Variants in GTF2H5 observed in about 807,000 individuals in gnomAD.
GTF2H5 encodes the protein TFB5 ortholog.
A neutral mutation model predicts 7.1 loss-of-function variants in GTF2H5; 5 were observed. The observed-to-expected ratio is 0.71, with a 90% confidence interval of 0.37 to 1.49. The LOEUF is 1.49. GTF2H5 is among the 40% of genes most tolerant of loss of function. The probability of loss-of-function intolerance (pLI) is 0.03; values close to 1 mark genes in which losing one functional copy is unlikely to be tolerated. For missense variants in GTF2H5, 80 were observed against 83.0 expected (o/e 0.96, Z 0.14); for synonymous variants, 30 against 31.7 (o/e 0.95, Z 0.18).
At chr6:158,177,185 T>TA (rs373430357) in intron 2 of GTF2H5, among the ~76,000 whole-genome samples, 341 of 152,370 alleles carry the variant, frequency 2.2e-3, no homozygotes, top group African/African-American at 7.7e-3. Flanking sequence ...CCTCTCTGCC[T>TA]ATATCCTCTC....
chr6:158,169,537 A>G lies in GTF2H5; in HGVS notation c.-34-933A>G, dbSNP rs1285647160. On this transcript the variant is annotated intron_variant, in intron 1 of 2. Transcript: ENST00000607778. ...TATTATATATAATATACAGTATATT[A>G]TATATAATATACTGTATATTATATA... is the stretch of plus-strand genomic sequence containing the variant. Among the ~76,000 whole-genome samples, 2 of 88,710 alleles carry G rather than the reference A, an allele frequency of 2.3e-5. 1 individual carries two copies. Among genetic ancestry groups the G allele is most frequent in the African/African-American group, 9.2e-5 (2 of 21,802 alleles). The allele number at this position is 88,710 out of a possible 152,430, so 58.2% of individuals were successfully genotyped here.
At chr6:158,187,236 T>C (rs1776944078) in intron 2 of GTF2H5, among the ~76,000 whole-genome samples, 1 of 152,018 alleles carries the variant, frequency 6.6e-6, no homozygotes, top group African/African-American at 2.4e-5. Context: ...CCTCAGGTGA[T>C]CCACCCACCT....
At chr6:158,189,669 C>A (rs1776986993) in intron 2 of GTF2H5, among the ~76,000 whole-genome samples, 1 of 152,182 alleles carries the variant, frequency 6.6e-6, no homozygotes, top group Non-Finnish European at 1.5e-5. Context: ...GTTGATATTC[C>A]CATCTGTTCA....
chr6:158,169,452 A>T (rs1219900499), intron 1 of GTF2H5, among the ~76,000 whole-genome samples: 6 of 58,442 alleles, frequency 1.0e-4, no homozygotes, highest in African/African-American at 4.9e-4. Context: ...TATATTATAT[A>T]TTATATATAT....
rs139989472 is a variant in GTF2H5 at position 158,188,386 on chromosome 6, C to T, written c.36-3591C>T. Among the ~76,000 whole-genome samples, 302 of 152,232 alleles carry T rather than the reference C, an allele frequency of 2.0e-3. 1 individual carries two copies. The highest frequency in any genetic ancestry group is 3.2e-3 in the Non-Finnish European group (220 of 67,994). ...TTTTTAAAGAGTCTGAGTAGAAAAA[C>T]AATGGTTTTCAAGAAACTGAAACTT... On this transcript the variant is annotated intron_variant, in intron 2 of 2. Transcript: ENST00000607778.
In GTF2H5 at chr6:158,192,389, A is replaced by G. The variant is rs1001453119; in HGVS notation, c.*232A>G. The G allele has an allele frequency of 6.5e-5, 32 of 491,566 alleles. No homozygotes were observed. Among genetic ancestry groups the G allele is most frequent in the Non-Finnish European group, 2.2e-5 (6 of 273,194 alleles). 30.5% of individuals were successfully genotyped at this position (491,566 alleles called of 1,614,324 possible). A position where few individuals can be genotyped will look rare whatever the true frequency, so the allele number is the denominator to read the frequency against. On this transcript the variant is annotated 3_prime_UTR_variant, in exon 3 of 3. Coordinates refer to ENST00000607778, the MANE Select transcript of GTF2H5 (RefSeq NM_207118.3). ...AGTTGGCTGTAATTTGGCTTTTATT[A>G]TCCTTTATTAAAATACAAATGTCAA... is the stretch of plus-strand genomic sequence containing the variant.
chr6:158,179,772 G>A (rs943356182), intron 2 of GTF2H5, among the ~76,000 whole-genome samples: 1 of 152,142 alleles, frequency 6.6e-6, no homozygotes, highest in Non-Finnish European at 1.5e-5. Context: ...ATACAATCAT[G>A]TCATCTGCAA....
chr6:158,172,350 T>C (rs1785869722), intron 2 of GTF2H5, among the ~76,000 whole-genome samples: 1 of 152,022 alleles, frequency 6.6e-6, no homozygotes, highest in Admixed American at 6.6e-5. Context: ...TCTTGCTCTG[T>C]TGCCAGGTTG....
Position 158,174,691 on chromosome 6 carries a change from A to G in GTF2H5, c.35+4153A>G, listed in dbSNP as rs575262510. Among the ~76,000 whole-genome samples, 12 of 152,362 alleles carry G rather than the reference A, an allele frequency of 7.9e-5. No individual in the cohort carries two copies. The East Asian group carries it at 2.3e-3, about 29-fold the overall frequency. On this transcript the variant is annotated intron_variant, in intron 2 of 2. Transcript: ENST00000607778. ...TGTGTCCAGTTCCAGATGCTGGAGC[A>G]GACCTCTGGTATAACAGTTGCCACA... is the stretch of plus-strand genomic sequence containing the variant.
In GTF2H5 at chr6:158,178,379, C is replaced by T. The variant is rs1190605188; in HGVS notation, c.35+7841C>T. Among the ~76,000 whole-genome samples the T allele has an allele frequency of 2.7e-5, 4 of 150,494 alleles. No individual in the cohort carries two copies. In the Admixed American group the frequency reaches 2.7e-4, roughly 10 times the overall value. Reference sequence around the variant, plus strand: ...GGCTGAGGCAGGAGAATGGCATGAACCCAGGAGGTGGAGCTTGCAGTGAGC... The same window carrying T: ...GGCTGAGGCAGGAGAATGGCATGAATCCAGGAGGTGGAGCTTGCAGTGAGC... On this transcript the variant is annotated intron_variant, in intron 2 of 2. Coordinates refer to ENST00000607778, the MANE Select transcript of GTF2H5 (RefSeq NM_207118.3).
chr6:158,189,064 C>G (rs923376860), intron 2 of GTF2H5, among the ~76,000 whole-genome samples: 2 of 151,952 alleles, frequency 1.3e-5, no homozygotes, highest in Non-Finnish European at 2.9e-5. Flanking sequence ...TTCCTTCCCC[C>G]ACCCACCTTT....
chr6:158,185,688 G>A (rs1021140401), intron 2 of GTF2H5, among the ~76,000 whole-genome samples: 3 of 152,070 alleles, frequency 2.0e-5, no homozygotes, highest in African/African-American at 7.2e-5. Context: ...AAGATGATTT[G>A]AAGAACATAC....
chr6:158,185,848 T>G lies in GTF2H5; in HGVS notation c.36-6129T>G, dbSNP rs149219962. On this transcript the variant is annotated intron_variant, in intron 2 of 2. Coordinates refer to ENST00000607778, the MANE Select transcript of GTF2H5 (RefSeq NM_207118.3). ...TCTCTACAAAAAAATACAAAAAAAA[T>G]CTGGGTGCAGTGACATGTGCCTGTA... 7.6e-3 allele frequency among the ~76,000 whole-genome samples: 1,157 copies of G among 151,634 alleles called. 16 individuals are homozygous for G. Among genetic ancestry groups the G allele is most frequent in the African/African-American group, 0.026 (1,088 of 41,326 alleles).
At chr6:158,171,979 A>T (rs1785862779) in intron 2 of GTF2H5, among the ~76,000 whole-genome samples, 1 of 152,124 alleles carries the variant, frequency 6.6e-6, no homozygotes, top group Admixed American at 6.6e-5. Context: ...TAACATAAAC[A>T]TTTTCCTCGT....
At chr6:158,190,935 C>G in intron 2 of GTF2H5, 2 of 516,810 alleles carry the variant, frequency 3.9e-6, no homozygotes, top group Non-Finnish European at 7.7e-6. Context: ...TCTGTACTGC[C>G]CGAGAAGAAA....
At chr6:158,172,028 T>C (rs749104457) in intron 2 of GTF2H5, among the ~76,000 whole-genome samples, 8 of 147,118 alleles carry the variant, frequency 5.4e-5, no homozygotes, top group Non-Finnish European at 1.0e-4. Context: ...AGGATACACA[T>C]ACACAGAGTG....
intron 1 of GTF2H5, among the ~76,000 whole-genome samples, chr6:158,169,707 G>GTATATTATATATTATATAATATATTA (rs1562469283): frequency 4.6e-5 from 2 of 43,600 alleles, no homozygotes; most frequent in Non-Finnish European, 8.0e-5. Context: ...ATAATATATT[G>GTATATTATATATTATATAATATATTA]TATATTATAT....
intron 2 of GTF2H5, among the ~76,000 whole-genome samples, chr6:158,188,680 G>A (rs1416803382): frequency 2.0e-5 from 3 of 152,096 alleles, no homozygotes; most frequent in Non-Finnish European, 4.4e-5. Flanking sequence ...TGCTGAAAAT[G>A]TGAAGTTTAA....
chr6:158,169,264 A>G (rs1015735833), intron 1 of GTF2H5, among the ~76,000 whole-genome samples: 3 of 130,870 alleles, frequency 2.3e-5, no homozygotes, highest in African/African-American at 8.6e-5. Flanking sequence ...TATATATTAT[A>G]TATGTATTTT....
Sources: gnomAD v4.1 joint callset for allele counts (sites outside exome capture counted in the v4.1 genomes callset) on GRCh38, gnomAD v4.1.1 for gene constraint, MANE v1.5 for transcripts, NCBI Gene and HGNC (gene_info 2026-07-23, HGNC 2026-07-21) for gene names.